Variants in FAM76B observed in about 807,000 individuals in gnomAD.
FAM76B encodes family with sequence similarity 76 member B.
Under a neutral mutation model 51.8 loss-of-function variants are expected in FAM76B, and 16 were observed. The ratio of observed to expected loss-of-function variants is 0.31; its 90% CI spans 0.21 to 0.47. The LOEUF is 0.47. Ranked by LOEUF, FAM76B falls within the 20% of genes least tolerant of loss-of-function variation. FAM76B has a pLI of 1.00. For missense variants in FAM76B, 342 were observed against 392.6 expected (o/e 0.87, Z 1.09); for synonymous variants, 166 against 129.5 (o/e 1.28, Z -1.91).
At chr11:95,789,028 T>C (rs1860794293) in intron 1 of FAM76B, 3 of 1,370,980 alleles carry the variant, frequency 2.2e-6, no homozygotes, top group Admixed American at 2.2e-5. Context: ...CCCTGCCTCC[T>C]GGTGGAAGAA....
chr11:95,784,777 C>T (rs1363246432), intron 4 of FAM76B, among the ~76,000 whole-genome samples: 3 of 151,832 alleles, frequency 2.0e-5, no homozygotes, highest in African/African-American at 4.8e-5. Flanking sequence ...TTAGTAGAAA[C>T]GGGGTTTCAC....
chr11:95,774,539 T>G (rs1170047742), intron 9 of FAM76B, among the ~76,000 whole-genome samples: 2 of 151,498 alleles, frequency 1.3e-5, no homozygotes, highest in Non-Finnish European at 3.0e-5. Context: ...TTCTGTTATC[T>G]CATTCTGGAT....
chr11:95,787,613 G>A lies in FAM76B; in HGVS notation c.207+11C>T. On this transcript the variant is annotated intron_variant, in intron 3 of 9. Coordinates refer to ENST00000358780, the MANE Select transcript of FAM76B (RefSeq NM_144664.5). ...TGGTAACAATGACATGAAAACATAAGACATACTTACCGTCCCAAATTGCTT... is the reference window on the plus strand; with the variant it reads ...TGGTAACAATGACATGAAAACATAAAACATACTTACCGTCCCAAATTGCTT... 1.2e-6 allele frequency: 2 copies of A among 1,608,264 alleles called. No individual in the cohort carries two copies. Among genetic ancestry groups the A allele is most frequent in the South Asian group, 1.1e-5 (1 of 90,258 alleles).
chr11:95,783,139 C>T lies in FAM76B; in HGVS notation c.489G>A (p.Glu163=). 6.2e-7 allele frequency: 1 copy of T among 1,612,684 alleles called. No individual in the cohort carries two copies. Among genetic ancestry groups the T allele is most frequent in the Non-Finnish European group, 8.5e-7 (1 of 1,179,032 alleles). ...GATGTTTTGGATGATGCTGGTCTTT[C>T]TCAGTAAGAGATGAAGAAGATGAAT... ...HSNSSSSSLT[E]KDQHHPKHHH... The change falls in exon 5 of 10, where the codon GAG becomes GAA. Residue 163 remains glutamate, a synonymous_variant. Coordinates refer to ENST00000358780, the MANE Select transcript of FAM76B (RefSeq NM_144664.5).
intron 3 of FAM76B, among the ~76,000 whole-genome samples, chr11:95,787,003 T>A (rs943228681): frequency 6.6e-6 from 1 of 152,220 alleles, no homozygotes; most frequent in Non-Finnish European, 1.5e-5. Context: ...GAGGCTGTTC[T>A]GAAGTGGGCT....
At chr11:95,787,068 A>G (rs1180522412) in intron 3 of FAM76B, among the ~76,000 whole-genome samples, 3 of 152,238 alleles carry the variant, frequency 2.0e-5, no homozygotes, top group Non-Finnish European at 4.4e-5. Flanking sequence ...AGAATTTGCT[A>G]TATTTGAATC....
In FAM76B at chr11:95,782,231, C is replaced by T. The variant is rs142708161; in HGVS notation, c.563+834G>A. ...GGTACTACTACTACTACATAACTCC[C>T]CCCACAGGTCACTTTAAAAATCAAG... is the stretch of plus-strand genomic sequence containing the variant. On this transcript the variant is annotated intron_variant, in intron 5 of 9. Transcript: ENST00000358780. Among the ~76,000 whole-genome samples the T allele has an allele frequency of 5.5e-4, 84 of 152,232 alleles. 2 individuals carry two copies. The highest frequency in any genetic ancestry group is 6.8e-3 in the Middle Eastern group (2 of 294).
intron 3 of FAM76B, chr11:95,786,498 A>T (rs1299818596): frequency 4.7e-6 from 2 of 426,340 alleles, no homozygotes; most frequent in African/African-American, 4.0e-5. Flanking sequence ...TAAGATCGTG[A>T]GAAATAGATT....
At chr11:95,788,603 G>C (rs1416834845) in intron 1 of FAM76B, 40 bp from the exon 2 acceptor site, 1 of 1,562,966 alleles carries the variant, frequency 6.4e-7, no homozygotes, top group Non-Finnish European at 8.7e-7. Context: ...CTTTCTGAAA[G>C]TCCCAAATCT....
chr11:95,773,303 A>C (rs1312448880), intron 9 of FAM76B, among the ~76,000 whole-genome samples: 2 of 151,036 alleles, frequency 1.3e-5, no homozygotes, highest in Non-Finnish European at 3.0e-5. Flanking sequence ...AAATTACATA[A>C]GACAAAAGTC....
intron 1 of FAM76B, 41 bp from the exon 2 acceptor site, chr11:95,788,604 T>A: frequency 6.4e-7 from 1 of 1,563,502 alleles, no homozygotes; most frequent in Non-Finnish European, 8.7e-7. Context: ...TTTCTGAAAG[T>A]CCCAAATCTC....
intron 6 of FAM76B, 88 bp from the exon 7 acceptor site, chr11:95,779,775 T>C (rs778718711): frequency 6.0e-5 from 94 of 1,557,682 alleles, no homozygotes; most frequent in Non-Finnish European, 8.1e-5. Context: ...AAAATATTAC[T>C]GAAAATACTG....
chr11:95,779,126 T>A (rs777697827), intron 7 of FAM76B, 169 bp from the exon 8 acceptor site: 10 of 1,582,586 alleles, frequency 6.3e-6, no homozygotes, highest in Non-Finnish European at 7.7e-6. Context: ...ATGGCACACA[T>A]TACATACACC....
chr11:95,781,677 A>AT (rs760797045), intron 5 of FAM76B, among the ~76,000 whole-genome samples: 5 of 152,106 alleles, frequency 3.3e-5, no homozygotes, highest in East Asian at 3.8e-4. Flanking sequence ...ATTTTGTCAT[A>AT]TTTTTTCTTA....
chr11:95,779,436 T>C (rs1860154324), intron 7 of FAM76B, 171 bp downstream of exon 7: 1 of 641,224 alleles, frequency 1.6e-6, no homozygotes, highest in Non-Finnish European at 2.5e-6. Context: ...CACTTTCTTA[T>C]TGCCAAAATT....
chr11:95,782,396 C>G (rs1860319743), intron 5 of FAM76B, among the ~76,000 whole-genome samples: 1 of 151,864 alleles, frequency 6.6e-6, no homozygotes, highest in Non-Finnish European at 1.5e-5. Context: ...CCAACTTTTC[C>G]TATAGGCAGG....
intron 8 of FAM76B, among the ~76,000 whole-genome samples, chr11:95,776,443 G>C (rs1189944319): frequency 1.3e-5 from 2 of 151,418 alleles, no homozygotes; most frequent in Non-Finnish European, 3.0e-5. Flanking sequence ...CTTAAAGAAA[G>C]AAATTTCACA....
In FAM76B at chr11:95,769,662, C is replaced by T. The variant is rs542092274; in HGVS notation, c.*1899G>A. 4 of 151,738 alleles carry T rather than the reference C, an allele frequency of 2.6e-5. No individual in the cohort carries two copies. Among genetic ancestry groups the T allele is most frequent in the African/African-American group, 4.8e-5 (2 of 41,484 alleles). The allele number at this position is 151,738 out of a possible 1,614,324, so 9.4% of individuals were successfully genotyped here. A position where few individuals can be genotyped will look rare whatever the true frequency, so the allele number is the denominator to read the frequency against. On this transcript the variant is annotated 3_prime_UTR_variant, in exon 10 of 10. Coordinates refer to ENST00000358780, the MANE Select transcript of FAM76B (RefSeq NM_144664.5). ...ATGGCTATGAAACAAGAATATAAAA[C>T]ATTACAAATTTCAAAGAAAGGTAAT...
Position 95,770,048 on chromosome 11 carries a change from A to G in FAM76B, c.*1513T>C, listed in dbSNP as rs574332583. ...GTATAAAACAAAACCTTTAAAACTT[A>G]TAAATTTAGTAACAGTTTTACATGA... is the stretch of plus-strand genomic sequence containing the variant. On this transcript the variant is annotated 3_prime_UTR_variant, in exon 10 of 10. Coordinates refer to ENST00000358780, the MANE Select transcript of FAM76B (RefSeq NM_144664.5). 1.3e-5 allele frequency: 2 copies of G among 151,696 alleles called. No individual in the cohort carries two copies. Among genetic ancestry groups the G allele is most frequent in the East Asian group, 3.9e-4 (2 of 5,182 alleles). 9.4% of individuals were successfully genotyped at this position (151,696 alleles called of 1,614,324 possible).
Sources: allele counts gnomAD v4.1 joint callset (sites outside exome capture counted in the v4.1 genomes callset), GRCh38; gene constraint gnomAD v4.1.1; transcripts MANE v1.5; gene names NCBI Gene and HGNC (gene_info 2026-07-23, HGNC 2026-07-21).